Variants in SRL observed in about 807,000 individuals in gnomAD.
SRL encodes sarcalumenin.
In SRL, 23 loss-of-function variants were observed where a neutral mutation model predicts 39.5. That is an observed-to-expected ratio of 0.58 (90% CI 0.42 to 0.82). The LOEUF is 0.82. Among genes scored for constraint, SRL ranks in the 40% least tolerant of loss-of-function variants. The probability of loss-of-function intolerance (pLI) is 0.00; values close to 1 mark genes in which losing one functional copy is unlikely to be tolerated. For synonymous variants in SRL, 272 were observed against 237.4 expected (o/e 1.15, Z -1.34); for missense variants, 592 against 607.8 (o/e 0.97, Z 0.27).
At chr16:4,210,132 C>A (rs527459794) in intron 1 of SRL, among the ~76,000 whole-genome samples, 11 of 152,336 alleles carry the variant, frequency 7.2e-5, no homozygotes, top group African/African-American at 2.6e-4. Flanking sequence ...GGTACCAAAA[C>A]GAATTCCTGG....
intron 1 of SRL, among the ~76,000 whole-genome samples, chr16:4,240,341 G>A (rs1272016026): frequency 7.2e-5 from 11 of 152,294 alleles, no homozygotes; most frequent in African/African-American, 1.7e-4. Flanking sequence ...TGATGGGGGC[G>A]TGAGGAAGCC....
At chr16:4,207,638 C>G (rs1319787782) in intron 1 of SRL, 1 of 439,714 alleles carries the variant, frequency 2.3e-6, no homozygotes, top group African/African-American at 2.0e-5. Context: ...GGCCCCCAGC[C>G]TGTCCTCCTG....
intron 1 of SRL, among the ~76,000 whole-genome samples, chr16:4,208,307 A>G (rs1110164): frequency 0.54 from 82,113 of 151,632 alleles, 22,879 homozygotes; most frequent in Middle Eastern, 0.68. Context: ...CCCAAGATGT[A>G]GAAGCTGTGG....
At chr16:4,210,228 C>A (rs2052375808) in intron 1 of SRL, among the ~76,000 whole-genome samples, 1 of 152,180 alleles carries the variant, frequency 6.6e-6, no homozygotes. Flanking sequence ...TAAGTCCTGA[C>A]TCCTTCACCT....
intron 1 of SRL, among the ~76,000 whole-genome samples, chr16:4,217,912 A>G (rs928731120): frequency 6.6e-6 from 1 of 152,054 alleles, no homozygotes; most frequent in African/African-American, 2.4e-5. Flanking sequence ...GCCCGGAGCC[A>G]TCCATCCTTC....
At chr16:4,202,054 G>C (rs2052241401) in intron 3 of SRL, among the ~76,000 whole-genome samples, 1 of 152,178 alleles carries the variant, frequency 6.6e-6, no homozygotes, top group Non-Finnish European at 1.5e-5. Context: ...GCCTCCCAAA[G>C]TACTGAGATT....
intron 1 of SRL, among the ~76,000 whole-genome samples, chr16:4,222,703 G>A (rs972275365): frequency 1.3e-5 from 2 of 152,196 alleles, no homozygotes; most frequent in African/African-American, 4.8e-5. Context: ...GCTGCATTGA[G>A]AGCACCTGAC....
At chr16:4,224,184 C>T (rs2052561845) in intron 1 of SRL, among the ~76,000 whole-genome samples, 1 of 152,000 alleles carries the variant, frequency 6.6e-6, no homozygotes, top group South Asian at 2.1e-4. Context: ...GTTAGGAGCC[C>T]AAGTGTTCTC....
intron 4 of SRL, among the ~76,000 whole-genome samples, chr16:4,196,695 G>T (rs959205529): frequency 6.6e-6 from 1 of 152,014 alleles, no homozygotes; most frequent in Non-Finnish European, 1.5e-5. Context: ...TGGCCAGGCT[G>T]GTCTTGAAGT....
chr16:4,222,347 T>C (rs2052540195), intron 1 of SRL, among the ~76,000 whole-genome samples: 2 of 152,206 alleles, frequency 1.3e-5, no homozygotes, highest in African/African-American at 4.8e-5. Flanking sequence ...CGATCTCAGC[T>C]CACTGCAACC....
At chr16:4,211,111 T>C (rs1449462849) in intron 1 of SRL, among the ~76,000 whole-genome samples, 1 of 152,028 alleles carries the variant, frequency 6.6e-6, no homozygotes, top group Non-Finnish European at 1.5e-5. Context: ...TGCTTCCCTT[T>C]CTCTGCAGTT....
chr16:4,237,964 G>A lies in SRL; in HGVS notation c.61+4043C>T, dbSNP rs936860833. On this transcript the variant is annotated intron_variant, in intron 1 of 5. Transcript: ENST00000399609. ...TGACTAGATTCAGCTACGTGCAAGGGAGAAGACGCCTCCTCTCCCCTACTG... is the reference window on the plus strand; with the variant it reads ...TGACTAGATTCAGCTACGTGCAAGGAAGAAGACGCCTCCTCTCCCCTACTG... 1.6e-4 allele frequency among the ~76,000 whole-genome samples: 25 copies of A among 152,142 alleles called. 1 individual carries two copies. Among genetic ancestry groups the A allele is most frequent in the Non-Finnish European group, 5.9e-5 (4 of 68,036 alleles).
chr16:4,210,283 G>A (rs1313212507), intron 1 of SRL, among the ~76,000 whole-genome samples: 2 of 152,062 alleles, frequency 1.3e-5, no homozygotes, highest in Non-Finnish European at 2.9e-5. Flanking sequence ...AAAATCTATG[G>A]TGGGAATTTG....
chr16:4,236,545 A>G (rs1296362934), intron 1 of SRL, among the ~76,000 whole-genome samples: 2 of 151,888 alleles, frequency 1.3e-5, no homozygotes, highest in Admixed American at 1.3e-4. Flanking sequence ...TCACTCCTAA[A>G]TGCCCTGACC....
intron 1 of SRL, among the ~76,000 whole-genome samples, chr16:4,204,944 G>T (rs2052299703): frequency 6.6e-6 from 1 of 152,200 alleles, no homozygotes; most frequent in Non-Finnish European, 1.5e-5. Context: ...TGAGCATCAT[G>T]CTGGGAATAC....
intron 1 of SRL, among the ~76,000 whole-genome samples, 186 bp from the exon 2 acceptor site, chr16:4,204,820 T>C (rs1232001818): frequency 6.6e-6 from 1 of 152,234 alleles, no homozygotes; most frequent in Non-Finnish European, 1.5e-5. Flanking sequence ...GTTCCATGTG[T>C]AGTGTATTCG....
At chr16:4,233,633 G>A (rs185879730) in intron 1 of SRL, among the ~76,000 whole-genome samples, 10 of 152,124 alleles carry the variant, frequency 6.6e-5, no homozygotes, top group Non-Finnish European at 8.8e-5. Context: ...CCTGAGGGCA[G>A]AGACACAACT....
chr16:4,234,349 A>T (rs919026665), intron 1 of SRL, among the ~76,000 whole-genome samples: 2 of 152,172 alleles, frequency 1.3e-5, no homozygotes, highest in Admixed American at 6.5e-5. Flanking sequence ...TGGTGCTTTC[A>T]TTCTGATTCT....
intron 4 of SRL, among the ~76,000 whole-genome samples, chr16:4,197,386 A>G (rs1280467739): frequency 8.6e-6 from 1 of 116,844 alleles, no homozygotes; most frequent in African/African-American, 3.3e-5. Context: ...CAAATTTTGT[A>G]TTTTAACACG....
Sources: gnomAD v4.1 joint callset for allele counts (sites outside exome capture counted in the v4.1 genomes callset) on GRCh38, gnomAD v4.1.1 for gene constraint, MANE v1.5 for transcripts, NCBI Gene and HGNC (gene_info 2026-07-23, HGNC 2026-07-21) for gene names.